SLC8A1: variants seen among roughly 807,000 people sequenced by gnomAD.
SLC8A1 encodes the protein solute carrier family 8 member A1, also known as sodium/calcium exchanger 1.
In SLC8A1, 18 loss-of-function variants were observed where a neutral mutation model predicts 68.3. That is an observed-to-expected ratio of 0.26 (90% confidence interval 0.18 to 0.39). The LOEUF is 0.39. Among genes scored for constraint, SLC8A1 ranks in the 10% least tolerant of loss-of-function variants. SLC8A1 has a pLI of 1.00. For synonymous variants in SLC8A1, 475 were observed against 415.5 expected, an observed-to-expected ratio of 1.14 and a Z score of -1.74; for missense variants, 985 against 1,156.7, an observed-to-expected ratio of 0.85 and a Z score of 2.15.
Position 40,334,976 on chromosome 2 carries a change from G to A in SLC8A1, c.1808+93497C>T, listed in dbSNP as rs978087292. Among the ~76,000 whole-genome samples the A allele has an allele frequency of 2.6e-5, 4 of 152,020 alleles. No homozygotes were observed. The East Asian group carries it at 7.7e-4, about 29-fold the overall frequency. ...TGTACCAAGGCCTTCAGTAAATTCG[G>A]TCATCCCTGCTTTAGCCAAAAAGCC... On this transcript the variant is annotated intron_variant, in intron 2 of 7. Coordinates refer to ENST00000406785, the Ensembl canonical transcript of SLC8A1.
At chr2:40,493,305 T>C (rs1457408412) in intron 1 of SLC8A1, among the ~76,000 whole-genome samples, 7 of 118,968 alleles carry the variant, frequency 5.9e-5, no homozygotes, top group South Asian at 2.8e-4. Context: ...TGAGAACACA[T>C]GGACACAGGA....
intron 2 of SLC8A1, among the ~76,000 whole-genome samples, chr2:40,402,908 T>C (rs767542404): frequency 4.6e-5 from 7 of 152,218 alleles, no homozygotes; most frequent in Non-Finnish European, 7.3e-5. Flanking sequence ...ACCAACACAA[T>C]TGTGCCATTT....
At chr2:40,139,754 AG>A in intron 6 of SLC8A1, 78 bp from the exon 10 acceptor site, 1 of 1,492,884 alleles carries the variant, frequency 6.7e-7, no homozygotes, top group African/African-American at 1.4e-5. Context: ...TCTCCTATCT[AG>A]GTCGGTCATC....
intron 2 of SLC8A1, among the ~76,000 whole-genome samples, chr2:40,298,488 T>C (rs768308999): frequency 6.6e-6 from 1 of 152,102 alleles, no homozygotes; most frequent in African/African-American, 2.4e-5. Flanking sequence ...ATTTTGGGGG[T>C]AGGAGAATGA....
chr2:40,371,352 G>C (rs943138712), intron 2 of SLC8A1, among the ~76,000 whole-genome samples: 19 of 152,066 alleles, frequency 1.2e-4, no homozygotes, highest in African/African-American at 4.1e-4. Context: ...AGGTAAGAAG[G>C]GGGAGAAAAT....
intron 2 of SLC8A1, among the ~76,000 whole-genome samples, chr2:40,284,535 T>A (rs2068000576): frequency 6.9e-6 from 1 of 145,812 alleles, no homozygotes; most frequent in Non-Finnish European, 1.5e-5. Context: ...ATCTATAACA[T>A]CTCTATTTAT....
intron 2 of SLC8A1, among the ~76,000 whole-genome samples, chr2:40,311,265 G>A (rs1269133750): frequency 6.6e-6 from 1 of 151,938 alleles, no homozygotes; most frequent in Non-Finnish European, 1.5e-5. Context: ...AAATTAGTAG[G>A]TCAAAAGGAA....
intron 7 of SLC8A1, among the ~76,000 whole-genome samples, chr2:40,132,533 G>T (rs531948279): frequency 6.6e-6 from 1 of 152,030 alleles, no homozygotes; most frequent in East Asian, 1.9e-4. Context: ...CCACCGAGAA[G>T]TAAAGCGACA....
At chr2:40,458,683 A>T (rs1412930123) in intron 1 of SLC8A1, among the ~76,000 whole-genome samples, 1 of 152,100 alleles carries the variant, frequency 6.6e-6, no homozygotes, top group Non-Finnish European at 1.5e-5. Context: ...CAGAGACAGC[A>T]ATCTGACCGA....
chr2:40,378,664 G>A (rs145852075), intron 2 of SLC8A1, among the ~76,000 whole-genome samples: 13 of 152,228 alleles, frequency 8.5e-5, no homozygotes, highest in South Asian at 8.3e-4. Flanking sequence ...AAAGCTGCCC[G>A]TCATCTGCAG....
At chr2:40,460,021 C>T (rs1279233944) in intron 1 of SLC8A1, among the ~76,000 whole-genome samples, 1 of 102,826 alleles carries the variant, frequency 9.7e-6, no homozygotes, top group Non-Finnish European at 2.2e-5. Flanking sequence ...TATTTAACGT[C>T]AATGGTGTCA....
chr2:40,400,355 T>C (rs10192833), intron 2 of SLC8A1, among the ~76,000 whole-genome samples: 60,924 of 151,888 alleles, frequency 0.4, 15,374 homozygotes, highest in Non-Finnish European at 0.59. Context: ...GGGTACATAA[T>C]TGAAGGGAAG....
At chr2:40,230,727 C>G (rs556988538) in intron 2 of SLC8A1, among the ~76,000 whole-genome samples, 1 of 152,196 alleles carries the variant, frequency 6.6e-6, no homozygotes, top group Admixed American at 6.5e-5. Flanking sequence ...CAGTTCTGCT[C>G]TATACCATAT....
In SLC8A1 at chr2:40,376,236, T is replaced by C. The variant is rs181937889; in HGVS notation, c.1808+52237A>G. Among the ~76,000 whole-genome samples, 60 of 152,256 alleles carry C rather than the reference T, an allele frequency of 3.9e-4. No individual in the cohort carries two copies. The East Asian group carries it at 0.01, about 27-fold the overall frequency. On this transcript the variant is annotated intron_variant, in intron 2 of 7. Transcript: ENST00000406785. ...GTGGCCAACCTTAAGCATCTAACAA[T>C]GTACAATTTACATTGTACCTCAACG...
chr2:40,508,546 A>G (rs1238105800), intron 1 of SLC8A1, among the ~76,000 whole-genome samples: 37 of 152,106 alleles, frequency 2.4e-4, no homozygotes, highest in Admixed American at 2.4e-3. Context: ...TATATTTTAT[A>G]GCTTTCAATA....
intron 2 of SLC8A1, among the ~76,000 whole-genome samples, chr2:40,348,855 T>C (rs551220007): frequency 1.3e-4 from 20 of 152,354 alleles, no homozygotes; most frequent in African/African-American, 4.3e-4. Context: ...AGTCCTCTTA[T>C]GCTTTCATCT....
chr2:40,244,460 G>C (rs1031597848), intron 2 of SLC8A1, among the ~76,000 whole-genome samples: 1 of 151,586 alleles, frequency 6.6e-6, no homozygotes, highest in Non-Finnish European at 1.5e-5. Context: ...CCCAGGGGAA[G>C]ACGTTACTCT....
intron 2 of SLC8A1, among the ~76,000 whole-genome samples, chr2:40,288,175 CT>C (rs1168448445): frequency 6.6e-6 from 1 of 152,086 alleles, no homozygotes; most frequent in Non-Finnish European, 1.5e-5. Flanking sequence ...GAATTTTCAT[CT>C]AAAAACAAAT....
chr2:40,201,405 T>TATTA (rs1365495333), intron 2 of SLC8A1, among the ~76,000 whole-genome samples: 1 of 151,930 alleles, frequency 6.6e-6, no homozygotes, highest in Non-Finnish European at 1.5e-5. Flanking sequence ...TTAGATTGTC[T>TATTA]ATTACTCCAA....
Sources: gnomAD v4.1 joint callset for allele counts (sites outside exome capture counted in the v4.1 genomes callset) on GRCh38, gnomAD v4.1.1 for gene constraint, MANE v1.5 for transcripts, NCBI Gene and HGNC (gene_info 2026-07-23, HGNC 2026-07-21) for gene names.